Variants in SLC39A11 observed in about 807,000 individuals in gnomAD.
SLC39A11 encodes zinc transporter ZIP11.
Under a neutral mutation model 36.1 loss-of-function variants are expected in SLC39A11, and 33 were observed. The observed-to-expected ratio is 0.91, with a 90% CI of 0.69 to 1.22. SLC39A11 has a LOEUF of 1.22. SLC39A11 is among the 50% of genes most tolerant of loss of function. The pLI, the probability that SLC39A11 is intolerant of heterozygous loss-of-function variation, is 0.00. For synonymous variants in SLC39A11, 166 were observed against 170.3 expected (o/e 0.97, Z 0.20); for missense variants, 432 against 430.3 (o/e 1.00, Z -0.03).
intron 7 of SLC39A11, among the ~76,000 whole-genome samples, chr17:72,731,550 TA>T (rs774234058): frequency 2.0e-4 from 29 of 143,290 alleles, no homozygotes; most frequent in African/African-American, 6.8e-4. Context: ...TTTTTTTTTT[TA>T]AATAAACCTT....
chr17:72,805,582 G>A (rs2077223185), intron 6 of SLC39A11, among the ~76,000 whole-genome samples: 1 of 152,184 alleles, frequency 6.6e-6, no homozygotes, highest in African/African-American at 2.4e-5. Flanking sequence ...CCCTGGATCA[G>A]TGAGACACAG....
chr17:72,828,526 A>C (rs920680746), intron 6 of SLC39A11, among the ~76,000 whole-genome samples: 2 of 152,168 alleles, frequency 1.3e-5, no homozygotes, highest in Non-Finnish European at 2.9e-5. Flanking sequence ...TATTAAGTGG[A>C]GGGGCCACTG....
chr17:72,809,962 G>A (rs192879084), intron 6 of SLC39A11, among the ~76,000 whole-genome samples: 134 of 152,036 alleles, frequency 8.8e-4, no homozygotes, highest in Admixed American at 2.5e-3. Context: ...TACTTGGGAG[G>A]CTGAGGCAGG....
chr17:73,029,308 C>A (rs1272391473), intron 4 of SLC39A11, among the ~76,000 whole-genome samples: 1 of 151,920 alleles, frequency 6.6e-6, no homozygotes, highest in African/African-American at 2.4e-5. Context: ...ATCTTGGAAG[C>A]CCAGTTGGGT....
chr17:72,756,652 T>A (rs545942701), intron 6 of SLC39A11, among the ~76,000 whole-genome samples: 40 of 152,324 alleles, frequency 2.6e-4, no homozygotes, highest in South Asian at 6.2e-4. Flanking sequence ...TACTGCTTAA[T>A]AGGTATAGAG....
chr17:72,829,833 C>A (rs1417962091), intron 6 of SLC39A11, among the ~76,000 whole-genome samples: 2 of 152,116 alleles, frequency 1.3e-5, no homozygotes, highest in African/African-American at 4.8e-5. Flanking sequence ...AGTGTAGCCA[C>A]CTTGTTCCCC....
intron 4 of SLC39A11, among the ~76,000 whole-genome samples, chr17:73,003,081 G>C (rs1008722349): frequency 3.9e-5 from 6 of 152,214 alleles, no homozygotes; most frequent in Admixed American, 2.6e-4. Flanking sequence ...ATTAGGACCT[G>C]AGTATCTCTG....
intron 3 of SLC39A11, among the ~76,000 whole-genome samples, chr17:73,037,510 C>A (rs1366489759): frequency 6.6e-6 from 1 of 152,240 alleles, no homozygotes; most frequent in African/African-American, 2.4e-5. Flanking sequence ...CCCAAGACTT[C>A]AGGGAATACT....
intron 7 of SLC39A11, among the ~76,000 whole-genome samples, chr17:72,657,299 A>G (rs1428879619): frequency 6.6e-6 from 1 of 152,130 alleles, no homozygotes; most frequent in East Asian, 1.9e-4. Context: ...GGCAGAGGTT[A>G]CAGTGAGCCG....
Position 73,033,877 on chromosome 17 carries a change from C to G in SLC39A11, c.148-2163G>C, listed in dbSNP as rs532937930. ...GCATAAATCCATAAATTCCCTTCTT[C>G]CAGCTGTCAAACATGCACAGTCACT... On this transcript the variant is annotated intron_variant, in intron 3 of 9. Coordinates refer to ENST00000255559, the MANE Select transcript of SLC39A11 (RefSeq NM_139177.4). Among the ~76,000 whole-genome samples, 13 of 152,322 alleles carry G rather than the reference C, an allele frequency of 8.5e-5. No individual in the cohort carries two copies. The South Asian group carries it at 2.7e-3, about 32-fold the overall frequency.
chr17:72,750,200 A>G (rs777819957), intron 6 of SLC39A11, among the ~76,000 whole-genome samples: 1 of 152,154 alleles, frequency 6.6e-6, no homozygotes, highest in Non-Finnish European at 1.5e-5. Flanking sequence ...CAGGAAGTGG[A>G]TGGCCACTGA....
At chr17:73,004,841 T>C (rs536589404) in intron 4 of SLC39A11, among the ~76,000 whole-genome samples, 4 of 152,140 alleles carry the variant, frequency 2.6e-5, no homozygotes, top group Non-Finnish European at 4.4e-5. Context: ...CTTGGGAATA[T>C]TGGAAGGAAA....
At chr17:73,054,807 C>CAAAA (rs5821939) in intron 3 of SLC39A11, among the ~76,000 whole-genome samples, 7 of 113,196 alleles carry the variant, frequency 6.2e-5, no homozygotes, top group African/African-American at 1.7e-4. Context: ...GATTCCGTCT[C>CAAAA]AAAAAAAAAA....
chr17:72,882,577 A>C (rs765302066), intron 5 of SLC39A11, among the ~76,000 whole-genome samples: 3 of 152,134 alleles, frequency 2.0e-5, no homozygotes, highest in Non-Finnish European at 4.4e-5. Context: ...CAAGAGTTGC[A>C]GCCCTACACA....
chr17:72,660,586 G>C (rs12453803), intron 7 of SLC39A11, among the ~76,000 whole-genome samples: 6,252 of 152,292 alleles, frequency 0.041, 147 homozygotes, highest in Middle Eastern at 0.088. Context: ...GGAGATAGGG[G>C]CGGACGCTGC....
intron 7 of SLC39A11, among the ~76,000 whole-genome samples, chr17:72,657,975 G>A (rs942308636): frequency 3.3e-5 from 5 of 152,190 alleles, no homozygotes; most frequent in African/African-American, 9.6e-5. Context: ...GCCCAGCCCT[G>A]AGTGGCATCC....
At chr17:72,831,792 G>A (rs777053437) in intron 6 of SLC39A11, among the ~76,000 whole-genome samples, 7 of 152,288 alleles carry the variant, frequency 4.6e-5, no homozygotes, top group Non-Finnish European at 7.4e-5. Context: ...AGAAGCATCC[G>A]AATTCATTTT....
At chr17:73,028,527 T>C (rs563192990) in intron 4 of SLC39A11, among the ~76,000 whole-genome samples, 3 of 152,180 alleles carry the variant, frequency 2.0e-5, no homozygotes, top group East Asian at 1.9e-4. Context: ...TTCTCATCCA[T>C]GTATGAGACC....
chr17:73,066,764 G>T (rs1450142899), intron 3 of SLC39A11, among the ~76,000 whole-genome samples: 1 of 152,224 alleles, frequency 6.6e-6, no homozygotes, highest in East Asian at 1.9e-4. Context: ...AAAACCAGGT[G>T]CTGGTGACAT....
Sources: allele counts gnomAD v4.1 joint callset (sites outside exome capture counted in the v4.1 genomes callset), GRCh38; gene constraint gnomAD v4.1.1; transcripts MANE v1.5; gene names NCBI Gene and HGNC (gene_info 2026-07-23, HGNC 2026-07-21).